EWSR1: variants seen among roughly 807,000 people sequenced by gnomAD.
EWSR1 encodes the protein EWS RNA binding protein 1.
Under a neutral mutation model 92.1 loss-of-function variants are expected in EWSR1, and 14 were observed. That is an observed-to-expected ratio of 0.15 (90% CI 0.10 to 0.24). The LOEUF is 0.24. Ranked by LOEUF, EWSR1 falls within the 10% of genes least tolerant of loss-of-function variation. EWSR1 has a pLI of 1.00. For synonymous variants in EWSR1, 303 were observed against 292.9 expected (o/e 1.03, Z -0.35); for missense variants, 637 against 870.9 (o/e 0.73, Z 3.38).
At position 29,300,241 on chromosome 22, in the gene EWSR1, AT is replaced by A. The variant is rs1307233461; in HGVS notation, c.*83del. 2.8e-5 allele frequency: 38 copies of A among 1,344,396 alleles called. No individual in the cohort carries two copies. Among genetic ancestry groups the A allele is most frequent in the Non-Finnish European group, 3.8e-5 (36 of 946,360 alleles). 83.3% of individuals were successfully genotyped at this position (1,344,396 alleles called of 1,614,324 possible). A position where few individuals can be genotyped will look rare whatever the true frequency, so the allele number is the denominator to read the frequency against. On this transcript the variant is annotated 3_prime_UTR_variant, in exon 17 of 17. Coordinates refer to ENST00000397938, the MANE Select transcript of EWSR1 (RefSeq NM_005243.4). The stretch of plus-strand genomic sequence containing the variant: ...AAATGTTTTAAATTTATAATTCCAT[AT>A]TTATAATGTTGGCCACAACATTATG...
intron 5 of EWSR1, among the ~76,000 whole-genome samples, chr22:29,280,177 C>A (rs189832322): frequency 6.6e-6 from 1 of 152,164 alleles, no homozygotes; most frequent in Admixed American, 6.5e-5. Context: ...AAGCAATTCT[C>A]CTGGCTTAGC....
intron 14 of EWSR1, 144 bp from the exon 15 acceptor site, chr22:29,299,090 C>T: frequency 6.7e-7 from 1 of 1,499,496 alleles, no homozygotes; most frequent in Non-Finnish European, 9.1e-7. Flanking sequence ...CCTGTGGGTG[C>T]AATGCTGCCT....
At chr22:29,285,120 TTG>T (rs1491106952) in intron 6 of EWSR1, among the ~76,000 whole-genome samples, 2 of 107,026 alleles carry the variant, frequency 1.9e-5, no homozygotes, top group African/African-American at 7.5e-5. Flanking sequence ...CTTCTGGCCC[TTG>T]TTTTTTTTTT....
At chr22:29,281,979 T>C (rs2059643245) in intron 5 of EWSR1, among the ~76,000 whole-genome samples, 1 of 152,214 alleles carries the variant, frequency 6.6e-6, no homozygotes, top group Admixed American at 6.5e-5. Flanking sequence ...TACTTCAACC[T>C]AAAACTTAAC....
Position 29,273,816 on chromosome 22 carries a change from A to G in EWSR1, c.178A>G (p.Thr60Ala). 2.5e-6 allele frequency: 4 copies of G among 1,614,044 alleles called. No individual in the cohort carries two copies. Among genetic ancestry groups the G allele is most frequent in the South Asian group, 1.1e-5 (1 of 91,072 alleles). ...VSYTQAQTTATYGQTAYATSY... is the reference protein window; with the variant it reads ...VSYTQAQTTAAYGQTAYATSY... The stretch of plus-strand genomic sequence containing the variant: ...CTATACCCAGGCTCAGACCACTGCA[A>G]CCTATGGGCAGACCGCCTATGCAAC... The change falls in exon 4 of 17, where the codon ACC (threonine) becomes GCC (alanine). Residue 60 changes from threonine (T) to alanine (A), a missense_variant. Around this residue, in one of 5 missense-constraint regions of EWSR1, gnomAD observed 144 missense variants for 189.0 expected, o/e 0.76. Transcript: ENST00000397938.
At chr22:29,273,580 T>C (rs903812052) in intron 3 of EWSR1, among the ~76,000 whole-genome samples, 161 bp from the exon 4 acceptor site, 5 of 152,246 alleles carry the variant, frequency 3.3e-5, no homozygotes, top group Non-Finnish European at 5.9e-5. Context: ...ATAACATTCA[T>C]GATACTGTGA....
intron 10 of EWSR1, 143 bp from the exon 11 acceptor site, chr22:29,292,345 C>CA: frequency 1.1e-6 from 1 of 934,916 alleles, no homozygotes; most frequent in Non-Finnish European, 1.7e-6. Context: ...TGAAGTAAAC[C>CA]AAAAGTTTGA....
chr22:29,286,286 G>T (rs1356687990), intron 6 of EWSR1, among the ~76,000 whole-genome samples: 1 of 151,990 alleles, frequency 6.6e-6, no homozygotes, highest in African/African-American at 2.4e-5. Context: ...CAAAGTGCTG[G>T]GATTACAGGC....
chr22:29,282,269 G>T (rs975064657), intron 5 of EWSR1, 121 bp from the exon 6 acceptor site: 2 of 727,270 alleles, frequency 2.8e-6, no homozygotes, highest in Middle Eastern at 3.7e-4. Context: ...TTATTTCCAG[G>T]CTTAATCATA....
At chr22:29,275,495 A>G (rs2059033214) in intron 4 of EWSR1, 1 of 218,234 alleles carries the variant, frequency 4.6e-6, no homozygotes. Flanking sequence ...TAAAATTCAC[A>G]GTTTATAGAG....
chr22:29,299,134 T>C, intron 14 of EWSR1, 100 bp from the exon 15 acceptor site: 1 of 1,602,128 alleles, frequency 6.2e-7, no homozygotes, highest in Non-Finnish European at 8.5e-7. Flanking sequence ...TGTACATAGA[T>C]CCTCTTGATA....
chr22:29,272,550 C>G (rs1370314609), intron 3 of EWSR1, 119 bp downstream of exon 3: 5 of 1,057,140 alleles, frequency 4.7e-6, no homozygotes, highest in East Asian at 5.1e-5. Flanking sequence ...GTAAAATACC[C>G]AGGCATTTTA....
intron 11 of EWSR1, among the ~76,000 whole-genome samples, chr22:29,294,718 A>G (rs1347688508): frequency 1.3e-5 from 2 of 152,074 alleles, no homozygotes; most frequent in Admixed American, 1.3e-4. Flanking sequence ...GATCGAGACC[A>G]TCCTGGCCAA....
chr22:29,268,646 C>T (rs1346478490), intron 1 of EWSR1, among the ~76,000 whole-genome samples: 8 of 152,138 alleles, frequency 5.3e-5, no homozygotes, highest in Non-Finnish European at 8.8e-5. Context: ...CTCCGGGCCT[C>T]CCGCCACGTG....
rs2061183864 is a variant in EWSR1, at chr22:29,299,665, G to A, written c.1745G>A (p.Gly582Asp). 3.1e-6 allele frequency: 5 copies of A among 1,612,032 alleles called. No individual in the cohort carries two copies. Among genetic ancestry groups the A allele is most frequent in the Non-Finnish European group, 4.2e-6 (5 of 1,179,108 alleles). ...GGAAGAGGTGGCCTCATGGATCGTG[G>A]TGGTCCCGGTGGAATGTTCAGAGGT... The part of the protein sequence containing the change: ...RGGRGGLMDR[G>D]GPGGMFRGGR... Residue 582 changes from glycine to aspartate, a missense_variant, in exon 16 of 17, where the codon GGT (glycine) becomes GAT (aspartate). This residue lies in a region of EWSR1 where 363 missense variants were observed against 447.8 expected (regional missense o/e 0.81). Coordinates refer to ENST00000397938, the MANE Select transcript of EWSR1 (RefSeq NM_005243.4).
At chr22:29,286,383 GTGGT>G (rs1197592880) in intron 6 of EWSR1, among the ~76,000 whole-genome samples, 1 of 151,800 alleles carries the variant, frequency 6.6e-6, no homozygotes, top group Non-Finnish European at 1.5e-5. Flanking sequence ...TATACAGATG[GTGGT>G]TATAATATTT....
At chr22:29,280,862 GTTTTTTTTTTTTTTTTTTTTT>G (rs71196650) in intron 5 of EWSR1, among the ~76,000 whole-genome samples, 1 of 62,870 alleles carries the variant, frequency 1.6e-5, no homozygotes, top group Non-Finnish European at 3.1e-5. Context: ...TGTGTGTGTT[GTTTTTTTTTTTTTTTTTTTTT>G]TTTTTTTTTT....
At chr22:29,281,852 T>C (rs560647474) in intron 5 of EWSR1, among the ~76,000 whole-genome samples, 1 of 152,312 alleles carries the variant, frequency 6.6e-6, no homozygotes, top group Admixed American at 6.5e-5. Context: ...CCCAAAGTGC[T>C]GGGATTATAG....
At chr22:29,296,487 C>A in intron 12 of EWSR1, 119 bp downstream of exon 12, 1 of 1,238,688 alleles carries the variant, frequency 8.1e-7, no homozygotes, top group Non-Finnish European at 1.1e-6. Flanking sequence ...AGGTAGATGG[C>A]CGGTCTCCCT....
Sources: gnomAD v4.1 joint callset for allele counts (sites outside exome capture counted in the v4.1 genomes callset) on GRCh38, gnomAD v4.1.1 for gene constraint, gnomAD v4.1.1 regional missense constraint, MANE v1.5 for transcripts, NCBI Gene and HGNC (gene_info 2026-07-23, HGNC 2026-07-21) for gene names.